The following TECRL variants were observed in gnomAD, a reference collection of about 807,000 sequenced individuals.
TECRL encodes the protein trans-2,3-enoyl-CoA reductase-like.
A neutral mutation model predicts 52.8 loss-of-function variants in TECRL; 63 were observed. The ratio of observed to expected loss-of-function variants is 1.19; its 90% CI spans 0.97 to 1.47. The LOEUF is 1.47. Ranked by LOEUF, TECRL falls within the 40% of genes most tolerant of loss-of-function variation. The probability of loss-of-function intolerance (pLI) is 0.00; values close to 1 mark genes in which losing one functional copy is unlikely to be tolerated. For missense variants in TECRL, 482 were observed against 429.6 expected (o/e 1.12, Z -1.08); for synonymous variants, 164 against 141.9 (o/e 1.16, Z -1.10).
rs569181973 is a variant in TECRL, at chr4:64,324,356, T to A, written c.332-1564A>T. Among the ~76,000 whole-genome samples the A allele has an allele frequency of 1.5e-3, 232 of 152,168 alleles. 1 individual carries two copies. The highest frequency in any genetic ancestry group is 5.3e-3 in the African/African-American group (221 of 41,564). ...AAAAATGAGTAGACTAGAGCTCAAA[T>A]ACCAAAATGGATTAATCTCTCAAAT... is the stretch of plus-strand genomic sequence containing the variant. On this transcript the variant is annotated intron_variant, in intron 3 of 11. Coordinates refer to ENST00000381210, the MANE Select transcript of TECRL (RefSeq NM_001010874.5).
chr4:64,332,412 A>T (rs113469746), intron 2 of TECRL, among the ~76,000 whole-genome samples: 1 of 152,200 alleles, frequency 6.6e-6, no homozygotes, highest in African/African-American at 2.4e-5. Flanking sequence ...AGAGGCAAAT[A>T]TAAATCTTCT....
chr4:64,319,972 G>A (rs999799804), intron 4 of TECRL, among the ~76,000 whole-genome samples: 1 of 151,864 alleles, frequency 6.6e-6, no homozygotes. Context: ...AAAGATAAAA[G>A]GAAGAAGTTC....
At chr4:64,358,117 A>G (rs887946279) in intron 2 of TECRL, among the ~76,000 whole-genome samples, 1 of 151,462 alleles carries the variant, frequency 6.6e-6, no homozygotes, top group Non-Finnish European at 1.5e-5. Flanking sequence ...AAAAAAAGAC[A>G]TTCTGAATTA....
intron 4 of TECRL, among the ~76,000 whole-genome samples, chr4:64,320,754 G>A (rs953274336): frequency 1.3e-5 from 2 of 152,004 alleles, no homozygotes; most frequent in Non-Finnish European, 2.9e-5. Flanking sequence ...TTTAACCTTT[G>A]AAGACCAAAC....
At chr4:64,336,143 G>C (rs1174523155) in intron 2 of TECRL, among the ~76,000 whole-genome samples, 14 of 152,100 alleles carry the variant, frequency 9.2e-5, no homozygotes, top group Admixed American at 7.9e-4. Flanking sequence ...GTCTGGTCCT[G>C]GACTTTTTTT....
At chr4:64,300,355 C>T (rs1034287590) in intron 7 of TECRL, among the ~76,000 whole-genome samples, 2 of 150,782 alleles carry the variant, frequency 1.3e-5, no homozygotes, top group African/African-American at 4.8e-5. Context: ...AAATAACTCT[C>T]ATTTTTAATG....
intron 4 of TECRL, among the ~76,000 whole-genome samples, chr4:64,316,862 A>G (rs1337655259): frequency 6.6e-6 from 1 of 152,216 alleles, no homozygotes; most frequent in Non-Finnish European, 1.5e-5. Context: ...CAAAAAGTTA[A>G]CTGTATTAAA....
chr4:64,352,104 G>A (rs1272755432), intron 2 of TECRL, among the ~76,000 whole-genome samples: 1 of 152,068 alleles, frequency 6.6e-6, no homozygotes, highest in Non-Finnish European at 1.5e-5. Context: ...AAGAAATATT[G>A]ATGAATGGTG....
chr4:64,393,641 C>T (rs1401806531), intron 1 of TECRL, among the ~76,000 whole-genome samples: 1 of 151,674 alleles, frequency 6.6e-6, no homozygotes, highest in African/African-American at 2.4e-5. Flanking sequence ...ATTTCTGCTT[C>T]TATATTGAGT....
intron 1 of TECRL, among the ~76,000 whole-genome samples, chr4:64,391,382 C>T (rs1723536148): frequency 6.6e-6 from 1 of 151,776 alleles, no homozygotes; most frequent in African/African-American, 2.4e-5. Context: ...TGCAGACTTA[C>T]ACATACAACT....
At chr4:64,300,075 T>C (rs1464566549) in intron 7 of TECRL, 58 bp from the exon 8 acceptor site, 4 of 1,319,856 alleles carry the variant, frequency 3.0e-6, no homozygotes, top group East Asian at 4.9e-5. Flanking sequence ...TTGTCAAATA[T>C]ATAGACATAA....
chr4:64,329,311 T>A (rs937430383), intron 2 of TECRL, among the ~76,000 whole-genome samples: 1 of 151,962 alleles, frequency 6.6e-6, no homozygotes, highest in African/African-American at 2.4e-5. Context: ...GTATAATAAA[T>A]TTTTAAAAGA....
chr4:64,313,095 C>G (rs1017388541), intron 5 of TECRL, among the ~76,000 whole-genome samples: 5 of 152,032 alleles, frequency 3.3e-5, no homozygotes, highest in Admixed American at 6.6e-5. Flanking sequence ...AACATGAGAA[C>G]GAACTAACAC....
At chr4:64,310,540 A>G (rs1724614456) in intron 5 of TECRL, among the ~76,000 whole-genome samples, 2 of 152,142 alleles carry the variant, frequency 1.3e-5, no homozygotes, top group Admixed American at 1.3e-4. Context: ...ATTTTTATAT[A>G]ATTACTATCT....
intron 2 of TECRL, among the ~76,000 whole-genome samples, chr4:64,351,560 A>G (rs1477629083): frequency 1.3e-5 from 2 of 152,094 alleles, no homozygotes; most frequent in Non-Finnish European, 2.9e-5. Context: ...AGAGTGAGTC[A>G]CTGTGCCCAG....
At chr4:64,355,298 T>C (rs1720687193) in intron 2 of TECRL, among the ~76,000 whole-genome samples, 2 of 152,142 alleles carry the variant, frequency 1.3e-5, no homozygotes, top group Non-Finnish European at 2.9e-5. Context: ...TAATGTACTG[T>C]AGATTGTCAG....
At chr4:64,329,346 A>G (rs1718474123) in intron 2 of TECRL, among the ~76,000 whole-genome samples, 1 of 151,964 alleles carries the variant, frequency 6.6e-6, no homozygotes, top group Admixed American at 6.6e-5. Flanking sequence ...ATTTTCCACA[A>G]TTATCTTCTT....
At chr4:64,383,854 C>T (rs1334537495) in intron 1 of TECRL, among the ~76,000 whole-genome samples, 1 of 151,534 alleles carries the variant, frequency 6.6e-6, no homozygotes, top group African/African-American at 2.4e-5. Context: ...GTAACAGTTG[C>T]TTCTTCTAAT....
At chr4:64,311,919 C>T (rs1717033523) in intron 5 of TECRL, among the ~76,000 whole-genome samples, 1 of 152,114 alleles carries the variant, frequency 6.6e-6, no homozygotes, top group African/African-American at 2.4e-5. Context: ...AAAAGCACAG[C>T]TTCAACTTTA....
Sources: allele counts gnomAD v4.1 joint callset (sites outside exome capture counted in the v4.1 genomes callset), GRCh38; gene constraint gnomAD v4.1.1; transcripts MANE v1.5; gene names NCBI Gene and HGNC (gene_info 2026-07-23, HGNC 2026-07-21).